Variants in PIP5K1B observed in about 807,000 individuals in gnomAD.
The protein encoded by PIP5K1B is phosphatidylinositol-4-phosphate 5-kinase type 1 beta.
A neutral mutation model predicts 67.0 loss-of-function variants in PIP5K1B; 42 were observed. The observed-to-expected ratio is 0.63, with a 90% confidence interval of 0.49 to 0.81. The LOEUF (loss-of-function observed/expected upper bound fraction) is 0.81, where lower values mean the gene tolerates loss of function less well. Among genes scored for constraint, PIP5K1B ranks in the 30% least tolerant of loss-of-function variants. The pLI is 0.00. For synonymous variants in PIP5K1B, 214 were observed against 231.4 expected, an observed-to-expected ratio of 0.92 and a Z score of 0.68; for missense variants, 459 against 646.3, an observed-to-expected ratio of 0.71 and a Z score of 3.14.
chr9:68,986,597 A>T (rs986586386), intron 14 of PIP5K1B, among the ~76,000 whole-genome samples: 3 of 152,054 alleles, frequency 2.0e-5, no homozygotes, highest in Admixed American at 6.5e-5. Context: ...ACAACGTTTT[A>T]AAAAAAAGAA....
intron 12 of PIP5K1B, among the ~76,000 whole-genome samples, chr9:68,930,659 C>T (rs1442622552): frequency 1.3e-5 from 2 of 151,466 alleles, no homozygotes; most frequent in Non-Finnish European, 2.9e-5. Flanking sequence ...CATCATGTAC[C>T]CATTCAATCC....
chr9:68,852,704 GT>G (rs1564184350), intron 4 of PIP5K1B, among the ~76,000 whole-genome samples: 1 of 152,148 alleles, frequency 6.6e-6, no homozygotes, highest in African/African-American at 2.4e-5. Flanking sequence ...GTAGGAAGAA[GT>G]GGATATTCTC....
intron 2 of PIP5K1B, among the ~76,000 whole-genome samples, chr9:68,802,253 T>C (rs1832638283): frequency 6.6e-6 from 1 of 152,198 alleles, no homozygotes; most frequent in African/African-American, 2.4e-5. Context: ...GATTATCCAG[T>C]GCTAAAAGGA....
At chr9:68,955,369 A>G (rs2132710950) in intron 14 of PIP5K1B, among the ~76,000 whole-genome samples, 1 of 152,374 alleles carries the variant, frequency 6.6e-6, no homozygotes, top group South Asian at 2.1e-4. Context: ...TTTCAAGTGC[A>G]AACAGATGTG....
chr9:68,848,737 T>G (rs1822324544), intron 4 of PIP5K1B, among the ~76,000 whole-genome samples: 1 of 152,216 alleles, frequency 6.6e-6, no homozygotes, highest in Non-Finnish European at 1.5e-5. Flanking sequence ...CATGGAAATT[T>G]TATTGTTTTA....
chr9:68,861,902 G>GTTT (rs78242259), intron 4 of PIP5K1B, among the ~76,000 whole-genome samples: 27 of 145,752 alleles, frequency 1.9e-4, no homozygotes, highest in South Asian at 6.6e-4. Flanking sequence ...TTTGTTTTTT[G>GTTT]TTTTTTTTTT....
intron 4 of PIP5K1B, among the ~76,000 whole-genome samples, chr9:68,857,887 T>C (rs567035392): frequency 2.6e-5 from 4 of 152,074 alleles, no homozygotes; most frequent in South Asian, 2.1e-4. Context: ...GAAGGAGAAA[T>C]AATAAATAAA....
At chr9:68,933,722 C>A (rs1176801226) in intron 12 of PIP5K1B, among the ~76,000 whole-genome samples, 1 of 152,136 alleles carries the variant, frequency 6.6e-6, no homozygotes, top group Non-Finnish European at 1.5e-5. Flanking sequence ...ACTCTAAAGC[C>A]CTCCACAAAT....
intron 15 of PIP5K1B, among the ~76,000 whole-genome samples, chr9:68,993,753 T>C (rs1033956110): frequency 6.6e-6 from 1 of 152,152 alleles, no homozygotes; most frequent in Non-Finnish European, 1.5e-5. Flanking sequence ...GAGCTAAGGA[T>C]TCATGCCACT....
At chr9:68,838,913 ATTAT>A (rs1737895202) in intron 4 of PIP5K1B, among the ~76,000 whole-genome samples, 1 of 152,216 alleles carries the variant, frequency 6.6e-6, no homozygotes, top group South Asian at 2.1e-4. Context: ...CTCTTAAAAT[ATTAT>A]TTAATTCAGA....
intron 4 of PIP5K1B, among the ~76,000 whole-genome samples, chr9:68,854,895 T>C (rs1822689934): frequency 6.6e-6 from 1 of 152,202 alleles, no homozygotes; most frequent in South Asian, 2.1e-4. Flanking sequence ...TTGTTTAAAT[T>C]TTATGATCTG....
At chr9:68,923,471 C>A (rs553854239) in intron 12 of PIP5K1B, 85 bp downstream of exon 12, 2 of 683,804 alleles carry the variant, frequency 2.9e-6, no homozygotes, top group African/African-American at 3.6e-5. Flanking sequence ...GAAGAACTAA[C>A]ACATTTCTCT....
At position 68,998,106 on chromosome 9, in the gene PIP5K1B, T is replaced by C. The variant is rs189678590; in HGVS notation, c.1620+6849T>C. On this transcript the variant is annotated intron_variant, in intron 15 of 15. Coordinates refer to ENST00000265382, the MANE Select transcript of PIP5K1B (RefSeq NM_003558.4). ...TTTTGTTTTTCAGACAGGATATCTC[T>C]GTTGCCCAGGCAGAAGTGCAGTGGT... Among the ~76,000 whole-genome samples, 3 of 151,702 alleles carry C rather than the reference T, an allele frequency of 2.0e-5. No individual in the cohort carries two copies. The East Asian group carries it at 5.8e-4, about 29-fold the overall frequency.
intron 2 of PIP5K1B, among the ~76,000 whole-genome samples, chr9:68,801,891 C>G (rs1312599395): frequency 1.3e-5 from 2 of 152,152 alleles, no homozygotes; most frequent in Non-Finnish European, 1.5e-5. Flanking sequence ...GGCCCTTGTG[C>G]CAGTCTGGAA....
chr9:68,754,175 C>CTTTTTTTCTTTTTTTTTTTTTT (rs1829793103), intron 2 of PIP5K1B, among the ~76,000 whole-genome samples: 1 of 101,076 alleles, frequency 9.9e-6, no homozygotes, highest in Non-Finnish European at 1.9e-5. Flanking sequence ...TCCATGATTT[C>CTTTTTTTCTTTTTTTTTTTTTT]TTTTTTTTTT....
At chr9:68,977,673 G>A (rs1389844106) in intron 14 of PIP5K1B, among the ~76,000 whole-genome samples, 10 of 112,904 alleles carry the variant, frequency 8.9e-5, no homozygotes, top group Non-Finnish European at 1.2e-4. Context: ...TTTTTTTTTC[G>A]AGACGGAGTC....
intron 14 of PIP5K1B, among the ~76,000 whole-genome samples, chr9:68,957,821 G>T (rs1828480729): frequency 6.6e-6 from 1 of 152,030 alleles, no homozygotes; most frequent in South Asian, 2.1e-4. Context: ...AGGGAAGAAG[G>T]GTGAGAGAAG....
At chr9:68,826,573 T>C (rs1268668330) in intron 4 of PIP5K1B, among the ~76,000 whole-genome samples, 1 of 152,120 alleles carries the variant, frequency 6.6e-6, no homozygotes, top group Non-Finnish European at 1.5e-5. Context: ...ACCTCTGACC[T>C]CCCTGTTGGT....
At chr9:68,811,717 T>A (rs1833178169) in intron 2 of PIP5K1B, among the ~76,000 whole-genome samples, 1 of 152,194 alleles carries the variant, frequency 6.6e-6, no homozygotes. Context: ...TTGCTTAGCT[T>A]TTCAGTTCAC....
Sources: gnomAD v4.1 joint callset for allele counts (sites outside exome capture counted in the v4.1 genomes callset) on GRCh38, gnomAD v4.1.1 for gene constraint, MANE v1.5 for transcripts, NCBI Gene and HGNC (gene_info 2026-07-23, HGNC 2026-07-21) for gene names.